The following GRM1 variants were observed in gnomAD, a reference collection of about 807,000 sequenced individuals.
The protein encoded by GRM1 is glutamate metabotropic receptor 1.
A neutral mutation model predicts 90.9 loss-of-function variants in GRM1; 33 were observed. That is an observed-to-expected ratio of 0.36 (90% CI 0.28 to 0.49). GRM1 has a LOEUF of 0.49. GRM1 is among the 20% of genes least tolerant of loss of function. The pLI is 0.99. For missense variants in GRM1, 1,190 were observed against 1,534.3 expected, an observed-to-expected ratio of 0.78 and a Z score of 3.75; for synonymous variants, 700 against 613.2, an observed-to-expected ratio of 1.14 and a Z score of -2.09.
chr6:146,071,256 T>C (rs981812711), intron 1 of GRM1, among the ~76,000 whole-genome samples: 2 of 152,216 alleles, frequency 1.3e-5, no homozygotes, highest in Non-Finnish European at 2.9e-5. Context: ...TTCCGTCTAG[T>C]TCTCTTTGCT....
intron 2 of GRM1, among the ~76,000 whole-genome samples, chr6:146,205,843 A>T (rs188566104): frequency 1.3e-5 from 2 of 152,252 alleles, no homozygotes; most frequent in Admixed American, 1.3e-4. Flanking sequence ...TAATATTTGG[A>T]CATTTACCTG....
Position 146,257,530 on chromosome 6 carries a change from A to G in GRM1, c.951-47081A>G, listed in dbSNP as rs1043302474. The stretch of plus-strand genomic sequence containing the variant: ...GTAATATGTGTGTATATATATATAT[A>G]TGTATAATTTATATGTGTGTACATA... On this transcript the variant is annotated intron_variant, in intron 2 of 7. Transcript: ENST00000282753. 4.0e-5 allele frequency among the ~76,000 whole-genome samples: 6 copies of G among 149,378 alleles called. No individual in the cohort carries two copies. The East Asian group carries it at 7.7e-4, about 19-fold the overall frequency.
intron 2 of GRM1, among the ~76,000 whole-genome samples, chr6:146,266,178 ACT>A (rs1781879777): frequency 6.6e-6 from 1 of 151,510 alleles, no homozygotes; most frequent in Admixed American, 6.6e-5. Flanking sequence ...ACAGAACAAG[ACT>A]CTGTCTTAAA....
intron 7 of GRM1, among the ~76,000 whole-genome samples, chr6:146,410,275 A>G (rs1404260002): frequency 6.6e-6 from 1 of 152,180 alleles, no homozygotes; most frequent in African/African-American, 2.4e-5. Context: ...AAAAAAATAC[A>G]GAGTCGACTA....
chr6:146,192,806 C>T (rs1038336811), intron 2 of GRM1, among the ~76,000 whole-genome samples: 1 of 152,134 alleles, frequency 6.6e-6, no homozygotes, highest in Non-Finnish European at 1.5e-5. Context: ...TTTAGTTATA[C>T]ATATGGTCTG....
chr6:146,071,063 A>T (rs894176759), intron 1 of GRM1, among the ~76,000 whole-genome samples: 1 of 152,148 alleles, frequency 6.6e-6, no homozygotes, highest in African/African-American at 2.4e-5. Context: ...TTTGCGAGTC[A>T]TTCTGTTTGA....
chr6:146,419,277 A>G (rs776106277), intron 7 of GRM1, among the ~76,000 whole-genome samples: 1 of 152,298 alleles, frequency 6.6e-6, no homozygotes, highest in South Asian at 2.1e-4. Context: ...TTCTGATGAG[A>G]CTTTTGTTTT....
chr6:146,160,539 T>A (rs896758001), intron 2 of GRM1, among the ~76,000 whole-genome samples: 3 of 152,200 alleles, frequency 2.0e-5, no homozygotes, highest in East Asian at 1.9e-4. Flanking sequence ...CTTCCGAAGC[T>A]CTTTGTCTCT....
intron 1 of GRM1, among the ~76,000 whole-genome samples, chr6:146,132,577 C>T (rs1583048284): frequency 6.6e-6 from 1 of 152,082 alleles, no homozygotes; most frequent in Non-Finnish European, 1.5e-5. Context: ...TATTCCTCTC[C>T]TCTTGTTTTG....
At chr6:146,065,127 C>G (rs1023693828) in intron 1 of GRM1, among the ~76,000 whole-genome samples, 1 of 152,158 alleles carries the variant, frequency 6.6e-6, no homozygotes, top group African/African-American at 2.4e-5. Context: ...GATCTCTAAA[C>G]AACTACTTTA....
intron 1 of GRM1, among the ~76,000 whole-genome samples, chr6:146,081,080 G>A (rs115082486): frequency 0.014 from 2,207 of 152,266 alleles, 40 homozygotes; most frequent in African/African-American, 0.049. Flanking sequence ...GAAGAATAAG[G>A]TCCGTCTCAG....
intron 1 of GRM1, among the ~76,000 whole-genome samples, chr6:146,075,663 G>A (rs1312887891): frequency 6.6e-6 from 1 of 152,198 alleles, no homozygotes; most frequent in South Asian, 2.1e-4. Context: ...TCTCACAGTT[G>A]TGTAGGCTAG....
chr6:146,101,566 C>T (rs1036108763), intron 1 of GRM1, among the ~76,000 whole-genome samples: 4 of 152,030 alleles, frequency 2.6e-5, no homozygotes, highest in South Asian at 2.1e-4. Flanking sequence ...CAACCTGCTG[C>T]GATTTGATTG....
chr6:146,134,747 A>G (rs929856731), intron 1 of GRM1, among the ~76,000 whole-genome samples: 4 of 152,076 alleles, frequency 2.6e-5, no homozygotes, highest in Non-Finnish European at 4.4e-5. Context: ...TGACTACCAC[A>G]GTGAAACCCC....
intron 7 of GRM1, among the ~76,000 whole-genome samples, chr6:146,427,824 T>C (rs1160208690): frequency 6.6e-6 from 1 of 152,148 alleles, no homozygotes; most frequent in Non-Finnish European, 1.5e-5. Flanking sequence ...GTGTTTCTTG[T>C]ATCATGGGGT....
At chr6:146,263,335 A>G (rs1781766007) in intron 2 of GRM1, among the ~76,000 whole-genome samples, 1 of 152,030 alleles carries the variant, frequency 6.6e-6, no homozygotes, top group South Asian at 2.1e-4. Flanking sequence ...TGAATGTGAA[A>G]TTATTAGTAT....
At chr6:146,110,703 CTTG>C (rs1775525014) in intron 1 of GRM1, among the ~76,000 whole-genome samples, 1 of 152,040 alleles carries the variant, frequency 6.6e-6, no homozygotes, top group Non-Finnish European at 1.5e-5. Flanking sequence ...TCTGTAAATG[CTTG>C]TTATTTAAGG....
chr6:146,191,024 A>T (rs144780113), intron 2 of GRM1, among the ~76,000 whole-genome samples: 1 of 152,182 alleles, frequency 6.6e-6, no homozygotes, highest in African/African-American at 2.4e-5. Flanking sequence ...CTCATCCTCC[A>T]TGCACTTGCC....
At chr6:146,398,344 G>A (rs1484236625) in intron 6 of GRM1, among the ~76,000 whole-genome samples, 2 of 152,176 alleles carry the variant, frequency 1.3e-5, no homozygotes, top group African/African-American at 4.8e-5. Flanking sequence ...TACAGACAAT[G>A]GCTGCATCAA....
Sources: allele counts gnomAD v4.1 joint callset (sites outside exome capture counted in the v4.1 genomes callset), GRCh38; gene constraint gnomAD v4.1.1; transcripts MANE v1.5; gene names NCBI Gene and HGNC (gene_info 2026-07-23, HGNC 2026-07-21).